Variants in CACNA1C observed in about 807,000 individuals in gnomAD.
CACNA1C encodes the protein voltage-dependent L-type calcium channel subunit alpha-1C.
A neutral mutation model predicts 229.0 loss-of-function variants in CACNA1C; 30 were observed. The observed-to-expected ratio is 0.13, with a 90% CI of 0.10 to 0.18. The LOEUF (loss-of-function observed/expected upper bound fraction) is 0.18. Ranked by LOEUF, CACNA1C falls within the 10% of genes least tolerant of loss-of-function variation. CACNA1C has a pLI of 1.00. For missense variants in CACNA1C, 1,658 were observed against 2,845.0 expected, an observed-to-expected ratio of 0.58 and a Z score of 9.49; for synonymous variants, 1,114 against 1,132.5, an observed-to-expected ratio of 0.98 and a Z score of 0.33.
At chr12:2,333,418 T>G (rs2096606873) in intron 3 of CACNA1C, among the ~76,000 whole-genome samples, 1 of 152,198 alleles carries the variant, frequency 6.6e-6, no homozygotes, top group Admixed American at 6.5e-5. Flanking sequence ...GTCAGCCTGT[T>G]TGCTTCCTCC....
At chr12:1,992,926 C>A in intron 1 of CACNA1C, 1 of 574,560 alleles carries the variant, frequency 1.7e-6, no homozygotes, top group African/African-American at 1.9e-5. Flanking sequence ...AGGGAGCCAC[C>A]TATGTGTGTG....
At chr12:2,686,333 C>A in intron 45 of CACNA1C, 64 bp downstream of exon 45, 1 of 1,257,844 alleles carries the variant, frequency 8.0e-7, no homozygotes, top group Non-Finnish European at 1.2e-6. Flanking sequence ...CCCAGGGTGA[C>A]GGACAAATCC....
chr12:2,350,431 A>G (rs934030625), intron 3 of CACNA1C, among the ~76,000 whole-genome samples: 5 of 152,210 alleles, frequency 3.3e-5, no homozygotes, highest in African/African-American at 1.2e-4. Flanking sequence ...AGCACACACA[A>G]ATAGTGATGT....
At chr12:2,186,073 G>T (rs540735121) in intron 3 of CACNA1C, among the ~76,000 whole-genome samples, 1 of 152,128 alleles carries the variant, frequency 6.6e-6, no homozygotes, top group African/African-American at 2.4e-5. Context: ...GGCCAGACTC[G>T]CCTCAGCAGC....
chr12:2,460,867 C>T (rs1242661528), intron 5 of CACNA1C, among the ~76,000 whole-genome samples: 1 of 152,198 alleles, frequency 6.6e-6, no homozygotes, highest in Non-Finnish European at 1.5e-5. Flanking sequence ...CAGCCTTCTG[C>T]CCTTTCTTGC....
chr12:2,128,480 G>A (rs1342785585), intron 3 of CACNA1C, among the ~76,000 whole-genome samples: 2 of 151,860 alleles, frequency 1.3e-5, no homozygotes, highest in Non-Finnish European at 2.9e-5. Context: ...GCGCGATCTC[G>A]GCTCACTGCA....
chr12:2,622,994 A>G (rs2084176039), intron 29 of CACNA1C, among the ~76,000 whole-genome samples: 1 of 152,200 alleles, frequency 6.6e-6, no homozygotes, highest in South Asian at 2.1e-4. Flanking sequence ...TTTGAGGAAG[A>G]CGTTTTCATC....
In CACNA1C at chr12:2,649,616, C is replaced by T. The variant is rs1433455155; in HGVS notation, c.3945+1109C>T. On this transcript the variant is annotated intron_variant, in intron 31 of 46. Coordinates refer to ENST00000399655, the MANE Select transcript of CACNA1C (RefSeq NM_000719.7). The surrounding 1 kb of genome is among the most constrained non-coding windows in gnomAD (Gnocchi z 4.4). ...GAGCAGCATTAGGAAACTGCAGCCA[C>T]AGGGGAGGGCTCTGAACAGTGGAAT... Among the ~76,000 whole-genome samples, 1 of 152,138 alleles carries T rather than the reference C, an allele frequency of 6.6e-6. No individual in the cohort carries two copies.
chr12:2,041,826 A>G (rs916520963), intron 1 of CACNA1C, among the ~76,000 whole-genome samples: 2 of 152,234 alleles, frequency 1.3e-5, no homozygotes, highest in Non-Finnish European at 2.9e-5. Flanking sequence ...ACCAACGTTC[A>G]GTGGCCGGGG....
intron 3 of CACNA1C, among the ~76,000 whole-genome samples, chr12:2,400,242 A>G (rs1432040933): frequency 6.6e-6 from 1 of 152,180 alleles, no homozygotes; most frequent in South Asian, 2.1e-4. Context: ...CAGCCTGTGG[A>G]GCTCTAGAAA....
At chr12:2,572,449 C>T (rs2055699588) in intron 13 of CACNA1C, among the ~76,000 whole-genome samples, 2 of 92,986 alleles carry the variant, frequency 2.2e-5, no homozygotes, top group African/African-American at 4.6e-5. Flanking sequence ...GCTCCTTCTC[C>T]TCTTCCTCCT....
At position 2,516,944 on chromosome 12, in the gene CACNA1C, T is replaced by G. The variant is rs368006063; in HGVS notation, c.1390+3960T>G. Among the ~76,000 whole-genome samples, 29 of 152,248 alleles carry G rather than the reference T, an allele frequency of 1.9e-4. 1 individual carries two copies. Among genetic ancestry groups the G allele is most frequent in the South Asian group, 6.2e-4 (3 of 4,824 alleles). On this transcript the variant is annotated intron_variant, in intron 9 of 46. Coordinates refer to ENST00000399655, the MANE Select transcript of CACNA1C (RefSeq NM_000719.7). Reference sequence around the variant, plus strand: ...GTGAGTGTAGACAGAAGTGAGATGCTGTCCAAGAACTGAGTCCTAGCCCTA... The same window carrying G: ...GTGAGTGTAGACAGAAGTGAGATGCGGTCCAAGAACTGAGTCCTAGCCCTA...
At chr12:2,405,253 G>A (rs1006899236) in intron 3 of CACNA1C, among the ~76,000 whole-genome samples, 1 of 152,164 alleles carries the variant, frequency 6.6e-6, no homozygotes, top group African/African-American at 2.4e-5. Flanking sequence ...TGTACATAAC[G>A]ATGGCACAGT....
At chr12:2,020,784 G>T (rs758205156) in intron 1 of CACNA1C, among the ~76,000 whole-genome samples, 1 of 152,174 alleles carries the variant, frequency 6.6e-6, no homozygotes, top group Non-Finnish European at 1.5e-5. Context: ...AACGCCATCT[G>T]CCTAATACAT....
intron 5 of CACNA1C, among the ~76,000 whole-genome samples, chr12:2,465,869 A>C (rs1200750918): frequency 2.0e-5 from 3 of 152,144 alleles, no homozygotes; most frequent in African/African-American, 7.2e-5. Flanking sequence ...TCCATCCCAG[A>C]GGCCAGGTCT....
chr12:2,202,704 A>G (rs943068524), intron 3 of CACNA1C, among the ~76,000 whole-genome samples: 1 of 152,188 alleles, frequency 6.6e-6, no homozygotes, highest in African/African-American at 2.4e-5. Context: ...TCACGTGGGA[A>G]GGAGTGTCTC....
intron 3 of CACNA1C, among the ~76,000 whole-genome samples, chr12:2,437,559 G>T (rs552666475): frequency 1.3e-5 from 2 of 152,336 alleles, no homozygotes; most frequent in African/African-American, 4.8e-5. Flanking sequence ...TACCCATCAT[G>T]CAGAGTTACT....
At chr12:2,402,673 G>C (rs2098692853) in intron 3 of CACNA1C, among the ~76,000 whole-genome samples, 2 of 152,182 alleles carry the variant, frequency 1.3e-5, no homozygotes, top group African/African-American at 4.8e-5. Context: ...GTAATCTGGA[G>C]ATAAGCAGCA....
chr12:2,244,299 C>T (rs940834727), intron 3 of CACNA1C, among the ~76,000 whole-genome samples: 5 of 152,248 alleles, frequency 3.3e-5, no homozygotes. Context: ...CTCATTACCA[C>T]TAGCCCAGGA....
Sources: allele counts gnomAD v4.1 joint callset (sites outside exome capture counted in the v4.1 genomes callset), GRCh38; gene constraint gnomAD v4.1.1; non-coding constraint Gnocchi (gnomAD v3.1); transcripts MANE v1.5; gene names NCBI Gene and HGNC (gene_info 2026-07-23, HGNC 2026-07-21).